The following CARMIL3 variants were observed in gnomAD, a reference collection of about 807,000 sequenced individuals.
CARMIL3 encodes the protein capping protein regulator and myosin 1 linker 3, also known as capping protein, Arp2/3 and myosin-I linker protein 3.
A neutral mutation model predicts 180.8 loss-of-function variants in CARMIL3; 88 were observed. That is an observed-to-expected ratio of 0.49 (90% CI 0.41 to 0.58). The LOEUF (loss-of-function observed/expected upper bound fraction) is 0.58, where lower values mean the gene tolerates loss of function less well. Among genes scored for constraint, CARMIL3 ranks in the 20% least tolerant of loss-of-function variants. CARMIL3 has a pLI of 0.00. For missense variants in CARMIL3, 1,548 were observed against 1,787.0 expected (o/e 0.87, Z 2.41); for synonymous variants, 696 against 714.5 (o/e 0.97, Z 0.41).
In CARMIL3 at chr14:24,058,994, C is replaced by T. The variant is rs1268026793; in HGVS notation, c.1571+8C>T. 1 of 1,613,912 alleles carries T rather than the reference C, an allele frequency of 6.2e-7. No individual in the cohort carries two copies. Among genetic ancestry groups the T allele is most frequent in the African/African-American group, 1.3e-5 (1 of 75,044 alleles). ...CTTCAATGTCAAGGCCAAGTGAGGC[C>T]CCCTTTCCATGCCCACAGACCCTCA... On this transcript the variant is annotated splice_region_variant and intron_variant, in intron 19 of 39. Transcript: ENST00000342740. The surrounding 1 kb of genome is among the most constrained non-coding windows in gnomAD (Gnocchi z 6.4).
In CARMIL3 at chr14:24,062,486, G is replaced by T; in HGVS notation, c.2487G>T (p.Val829=). ...GCCCCACCTGTGCCCACAGTGAAGT[G>T]AAGCTCTCAGTCGTCACCTACCTAA... ...GQDIQNKLDE[V]KLSVVTYLTS... Residue 829 remains valine, a synonymous_variant, in exon 28 of 40, where the codon GTG becomes GTT. Transcript: ENST00000342740. 6.2e-7 allele frequency: 1 copy of T among 1,614,164 alleles called. No individual in the cohort carries two copies. Among genetic ancestry groups the T allele is most frequent in the Non-Finnish European group, 8.5e-7 (1 of 1,179,994 alleles).
intron 15 of CARMIL3, 33 bp from the exon 16 acceptor site, chr14:24,057,927 C>G (rs139568153): frequency 1.2e-6 from 2 of 1,613,108 alleles, no homozygotes; most frequent in Non-Finnish European, 1.7e-6. Context: ...TGGCCAACCC[C>G]CTCCCTCGCT....
At chr14:24,063,055 T>C in intron 29 of CARMIL3, 65 bp from the exon 30 acceptor site, 1 of 1,589,270 alleles carries the variant, frequency 6.3e-7, no homozygotes, top group Non-Finnish European at 8.6e-7. Context: ...TCAAATAAGG[T>C]TTCATGAGGA....
chr14:24,059,069 T>G lies in CARMIL3; in HGVS notation c.1572-66T>G. On this transcript the variant is annotated intron_variant, in intron 19 of 39. Coordinates refer to ENST00000342740, the MANE Select transcript of CARMIL3 (RefSeq NM_138360.4). The surrounding 1 kb of genome is among the most constrained non-coding windows in gnomAD (Gnocchi z 6.3). ...GCTCACCGTATTACCTCTGGCCACCTCTCTCCTCCTCCAATAGCATGACCC... is the reference window on the plus strand; with the variant it reads ...GCTCACCGTATTACCTCTGGCCACCGCTCTCCTCCTCCAATAGCATGACCC... The G allele has an allele frequency of 6.3e-7, 1 of 1,587,446 alleles. No homozygotes were observed.
At chr14:24,057,625 C>A (rs2035684768) in intron 14 of CARMIL3, among the ~76,000 whole-genome samples, 178 bp from the exon 15 acceptor site, 3 of 152,088 alleles carry the variant, frequency 2.0e-5, no homozygotes, top group Non-Finnish European at 4.4e-5. Flanking sequence ...ACCCATGTTC[C>A]ACAGGGGAGA....
rs199881767 is a variant in CARMIL3 at position 24,065,245 on chromosome 14, G to A, written c.3368G>A (p.Gly1123Asp). 2.6e-6 allele frequency: 4 copies of A among 1,545,186 alleles called. No homozygotes were observed. Among genetic ancestry groups the A allele is most frequent in the Non-Finnish European group, 3.5e-6 (4 of 1,153,930 alleles). The part of the protein sequence containing the change: ...ESSLLPGFGG[G>D]RGPSFRRKMG... ...AGCCTCCTCCCTGGATTTGGTGGGG[G>A]CCGGGGACCTTCCTTCCGCCGGAAG... is the stretch of plus-strand genomic sequence containing the variant. The change falls in exon 33 of 40, where the codon GGC (glycine) becomes GAC (aspartate). Residue 1123 changes from glycine to aspartate, a missense_variant. By Grantham distance (94) the Gly-to-Asp change is moderately conservative (BLOSUM62 -1). Transcript: ENST00000342740.
chr14:24,054,684 C>G lies in CARMIL3; in HGVS notation c.363-27C>G. ...GAACTGAGAGCCTCTTTCCAGCCCT[C>G]TCTGGAATGACTTGTTTCTTTTCCA... is the stretch of plus-strand genomic sequence containing the variant. On this transcript the variant is annotated intron_variant, in intron 5 of 39. Transcript: ENST00000342740. The surrounding 1 kb of genome is among the most constrained non-coding windows in gnomAD (Gnocchi z 5.1). The G allele has an allele frequency of 6.2e-7, 1 of 1,603,384 alleles. No individual in the cohort carries two copies. The highest frequency in any genetic ancestry group is 8.5e-7 in the Non-Finnish European group (1 of 1,171,176).
rs45592432 is a variant in CARMIL3 at position 24,057,257 on chromosome 14, T to C, written c.1140+13T>C. The C allele has an allele frequency of 0.019, 30,986 of 1,612,530 alleles. 384 individuals carry two copies. The highest frequency in any genetic ancestry group is 0.023 in the Non-Finnish European group (27,627 of 1,179,162). On this transcript the variant is annotated intron_variant, in intron 14 of 39. Transcript: ENST00000342740. ...CGTCATCGACTTGGTGAGGAGTTGG[T>C]GATGGGAAGCCAGTCTGAGGTGATT... is the stretch of plus-strand genomic sequence containing the variant.
intron 39 of CARMIL3, 31 bp from the exon 40 acceptor site, chr14:24,069,348 A>C (rs373524997): frequency 6.2e-7 from 1 of 1,613,974 alleles, no homozygotes; most frequent in Non-Finnish European, 8.5e-7. Flanking sequence ...CCTGCCCAGG[A>C]AACAGGGCTC....
In CARMIL3 at chr14:24,054,384, C is replaced by T. The variant is rs781306329; in HGVS notation, c.247-12C>T. 5 of 1,613,858 alleles carry T rather than the reference C, an allele frequency of 3.1e-6. No homozygotes were observed. Among genetic ancestry groups the T allele is most frequent in the Admixed American group, 1.7e-5 (1 of 59,994 alleles). On this transcript the variant is annotated splice_polypyrimidine_tract_variant and intron_variant, in intron 4 of 39. Transcript: ENST00000342740. This position sits in a 1 kb window ranked among gnomAD's most constrained non-coding sequence, Gnocchi z 5.1. ...GAGGGAGTCTGAGGCTCTGACGCTTCGTCTCCCCCAGATCCTGGTGGAGAC... is the reference window on the plus strand; with the variant it reads ...GAGGGAGTCTGAGGCTCTGACGCTTTGTCTCCCCCAGATCCTGGTGGAGAC...
chr14:24,066,550 C>A lies in CARMIL3; in HGVS notation c.3593-17C>A. The A allele has an allele frequency of 6.2e-7, 1 of 1,613,572 alleles. No homozygotes were observed. Among genetic ancestry groups the A allele is most frequent in the Non-Finnish European group, 8.5e-7 (1 of 1,179,532 alleles). ...TTCCCTTTCTCCTCTCTTTCTCATC[C>A]CCTCTCTCTACTCCAGGGCCTGGAT... On this transcript the variant is annotated splice_polypyrimidine_tract_variant and intron_variant, in intron 35 of 39. Transcript: ENST00000342740.
At position 24,061,296 on chromosome 14, in the gene CARMIL3, C is replaced by T; in HGVS notation, c.2305-201C>T. 1.6e-6 allele frequency: 1 copy of T among 642,158 alleles called. No homozygotes were observed. Among genetic ancestry groups the T allele is most frequent in the Non-Finnish European group, 2.7e-6 (1 of 375,704 alleles). 39.8% of individuals were successfully genotyped at this position (642,158 alleles called of 1,614,324 possible). A position where few individuals can be genotyped will look rare whatever the true frequency, so the allele number is the denominator to read the frequency against. ...GGATCCTTGGACTGACTGCCCCTGT[C>T]TGTATGGTAGGGTGGAAGGAGCACT... is the stretch of plus-strand genomic sequence containing the variant. On this transcript the variant is annotated intron_variant, in intron 26 of 39. Coordinates refer to ENST00000342740, the MANE Select transcript of CARMIL3 (RefSeq NM_138360.4). This position sits in a 1 kb window ranked among gnomAD's most constrained non-coding sequence, Gnocchi z 4.1.
Position 24,056,543 on chromosome 14 carries a change from G to A in CARMIL3, c.866-79G>A, listed in dbSNP as rs1001875197. ...TTGACCCAAGGCCTGTACCCTACTCGAGCCCCCAACCTGACTCTGTGCCAC... is the reference window on the plus strand; with the variant it reads ...TTGACCCAAGGCCTGTACCCTACTCAAGCCCCCAACCTGACTCTGTGCCAC... On this transcript the variant is annotated intron_variant, in intron 11 of 39. Transcript: ENST00000342740. 20 of 1,517,984 alleles carry A rather than the reference G, an allele frequency of 1.3e-5. No individual in the cohort carries two copies. The East Asian group carries it at 1.4e-4, about 10-fold the overall frequency. 94.0% of individuals were successfully genotyped at this position (1,517,984 alleles called of 1,614,324 possible).
At position 24,061,185 on chromosome 14, in the gene CARMIL3, A is replaced by G. The variant is rs2035729308; in HGVS notation, c.2304+145A>G. ...AGACCACCCACGCTCCCACTGTACC[A>G]AGGCATTGCTGCAATATCAGGCTTG... On this transcript the variant is annotated intron_variant, in intron 26 of 39. Transcript: ENST00000342740. The surrounding 1 kb of genome is among the most constrained non-coding windows in gnomAD (Gnocchi z 4.1). 1 of 702,414 alleles carries G rather than the reference A, an allele frequency of 1.4e-6. No individual in the cohort carries two copies. The highest frequency in any genetic ancestry group is 1.8e-5 in the African/African-American group (1 of 55,682). The allele number at this position is 702,414 out of a possible 1,614,324, so 43.5% of individuals were successfully genotyped here. A position where few individuals can be genotyped will look rare whatever the true frequency, so the allele number is the denominator to read the frequency against.
Position 24,069,182 on chromosome 14 carries a change from G to A in CARMIL3, c.4028G>A (p.Arg1343Lys). ...GRRTAPLKPK[R>K]TRRAQSCDKL... ...CGGACTGCCCCCCTGAAGCCCAAGA[G>A]GACACGGCGGGCACAGTCCTGTGAC... Residue 1343 changes from arginine to lysine, a missense_variant, in exon 39 of 40, where the codon AGG becomes AAG. Coordinates refer to ENST00000342740, the MANE Select transcript of CARMIL3 (RefSeq NM_138360.4). 1 of 1,614,006 alleles carries A rather than the reference G, an allele frequency of 6.2e-7. No individual in the cohort carries two copies. Among genetic ancestry groups the A allele is most frequent in the South Asian group, 1.1e-5 (1 of 91,082 alleles).
At position 24,052,116 on chromosome 14, in the gene CARMIL3, G is replaced by T; in HGVS notation, c.-38G>T. 6.5e-7 allele frequency: 1 copy of T among 1,536,392 alleles called. No homozygotes were observed. On this transcript the variant is annotated 5_prime_UTR_variant, in exon 1 of 40. Coordinates refer to ENST00000342740, the MANE Select transcript of CARMIL3 (RefSeq NM_138360.4). Reference sequence around the variant, plus strand: ...GTGCCGCGGCTCCCCGGCGGCGGCGGCGGCTCCTCTGCAGCAGCCTCAGCA... The same window carrying T: ...GTGCCGCGGCTCCCCGGCGGCGGCGTCGGCTCCTCTGCAGCAGCCTCAGCA...
In CARMIL3 at chr14:24,063,027, G is replaced by A. The variant is rs370977149; in HGVS notation, c.2707-93G>A. ...TCCCAGTGCCTCAGCCCCCTGAGGAGCGAGGGGCAGGATGGGCTCAAATAA... is the reference window on the plus strand; with the variant it reads ...TCCCAGTGCCTCAGCCCCCTGAGGAACGAGGGGCAGGATGGGCTCAAATAA... On this transcript the variant is annotated intron_variant, in intron 29 of 39. Transcript: ENST00000342740. The A allele has an allele frequency of 3.6e-5, 56 of 1,552,814 alleles. 1 individual carries two copies. The South Asian group carries it at 5.0e-4, about 14-fold the overall frequency.
In CARMIL3 at chr14:24,058,804, G is replaced by C; in HGVS notation, c.1474+43G>C. ...CCTTCCCTGGGGCCAGGGGAGAACA[G>C]GGGCCTGGAGCATGCAGAAGCAGCC... On this transcript the variant is annotated intron_variant, in intron 18 of 39. Transcript: ENST00000342740. This position sits in a 1 kb window ranked among gnomAD's most constrained non-coding sequence, Gnocchi z 6.4. The C allele has an allele frequency of 1.9e-6, 3 of 1,612,936 alleles. No homozygotes were observed. The East Asian group carries it at 6.7e-5, about 36-fold the overall frequency.
At position 24,056,928 on chromosome 14, in the gene CARMIL3, C is replaced by A. The variant is rs758408040; in HGVS notation, c.966C>A (p.Leu322=). ...CGCTGTGCTCAGGGCTCCAGGCACT[C>A]GGCCAGACCTTCGGGGCAAACCCAG... ...TAISPRGLQA[L]GQTFGANPAF... The change falls in exon 13 of 40, where the codon CTC becomes CTA. Residue 322 remains leucine (L), a synonymous_variant. Transcript: ENST00000342740. 2 of 1,613,870 alleles carry A rather than the reference C, an allele frequency of 1.2e-6. No homozygotes were observed. The highest frequency in any genetic ancestry group is 1.3e-5 in the African/African-American group (1 of 74,910).
Sources: gnomAD v4.1 joint callset for allele counts (sites outside exome capture counted in the v4.1 genomes callset) on GRCh38, gnomAD v4.1.1 for gene constraint, Gnocchi (gnomAD v3.1) non-coding constraint, MANE v1.5 for transcripts, NCBI Gene and HGNC (gene_info 2026-07-23, HGNC 2026-07-21) for gene names.